Variants in USP30 observed in about 807,000 individuals in gnomAD.
USP30 encodes ubiquitin specific peptidase 30, also known as ubiquitin carboxyl-terminal hydrolase 30.
USP30 carries 41 observed loss-of-function variants against 68.2 expected under a neutral mutation model. The ratio of observed to expected loss-of-function variants is 0.60; its 90% confidence interval spans 0.47 to 0.78. USP30 has a LOEUF of 0.78. Among genes scored for constraint, USP30 ranks in the 30% least tolerant of loss-of-function variants. The pLI, the probability that USP30 is intolerant of heterozygous loss-of-function variation, is 0.00. For missense variants in USP30, 522 were observed against 649.4 expected (o/e 0.80, Z 2.13); for synonymous variants, 229 against 253.7 (o/e 0.90, Z 0.93).
At chr12:109,024,440 T>C (rs1340523718) in intron 1 of USP30, among the ~76,000 whole-genome samples, 1 of 151,580 alleles carries the variant, frequency 6.6e-6, no homozygotes, top group African/African-American at 2.4e-5. Context: ...GTATTTTTTA[T>C]AGAGAGGGGG....
chr12:109,079,339 C>CTTTTTTTTTTCT lies in USP30; in HGVS notation c.721-1985_721-1984insCTTTTTTTTTTT, dbSNP rs2041713719. On this transcript the variant is annotated intron_variant, in intron 7 of 12. Transcript: ENST00000257548. ...TTTTCTCTTTTTTTCTTTTCTTTTTCTTTTTTTTTTTCTTTTTTTTTTTTT... is the reference window on the plus strand; with the variant it reads ...TTTTCTCTTTTTTTCTTTTCTTTTTCTTTTTTTTTTCTTTTTTTTTTTTCTTTTTTTTTTTTT... Among the ~76,000 whole-genome samples the CTTTTTTTTTTCT allele has an allele frequency of 1.1e-3, 69 of 62,226 alleles. 1 individual carries two copies. Among genetic ancestry groups the CTTTTTTTTTTCT allele is most frequent in the East Asian group, 1.4e-3 (3 of 2,096 alleles). The allele number at this position is 62,226 out of a possible 152,430, so 40.8% of individuals were successfully genotyped here.
upstream of USP30, among the ~76,000 whole-genome samples, chr12:109,049,882 G>A (rs190193464): frequency 3.9e-5 from 6 of 152,280 alleles, no homozygotes; most frequent in East Asian, 1.9e-4. Flanking sequence ...ACAGAGACAC[G>A]AAGTGAGCAC....
chr12:109,073,457 C>G lies in USP30; in HGVS notation c.645C>G (p.Ser215=), dbSNP rs142597191. The change falls in exon 7 of 13, where the codon TCC becomes TCG. Residue 215 remains serine (S), a synonymous_variant. Transcript: ENST00000257548. ...TTCCAGGGTCACCTCACCCTACATC[C>G]AATCACTGGAAGTCTCAACATCCTT... The part of the protein sequence containing the change: ...CRTRGSPHPT[S]NHWKSQHPFH... 1.5e-5 allele frequency: 25 copies of G among 1,613,950 alleles called. No individual in the cohort carries two copies. Among genetic ancestry groups the G allele is most frequent in the African/African-American group, 2.7e-5 (2 of 74,934 alleles).
chr12:109,052,697 G>T lies in USP30; in HGVS notation c.19G>T (p.Glu7Ter). MLSSRA[E>*]AAMTAADRAI... ...GGCTGCAATGCTGAGCTCCCGGGCCGAGGCGGCGATGACCGCGGCCGACAG... is the reference window on the plus strand; with the variant it reads ...GGCTGCAATGCTGAGCTCCCGGGCCTAGGCGGCGATGACCGCGGCCGACAG... The change falls in exon 1 of 13, where the codon GAG becomes TAG. Residue 7 changes from glutamate to a stop codon, truncating the protein, a stop_gained. Transcript: ENST00000257548. LOFTEE classifies it high-confidence loss of function. 6.7e-7 allele frequency: 1 copy of T among 1,486,626 alleles called. No homozygotes were observed. Among genetic ancestry groups the T allele is most frequent in the Non-Finnish European group, 8.9e-7 (1 of 1,121,684 alleles). The allele number at this position is 1,486,626 out of a possible 1,614,324, so 92.1% of individuals were successfully genotyped here.
chr12:109,039,564 C>T (rs781178610), intron 3 of USP30, among the ~76,000 whole-genome samples: 7 of 151,846 alleles, frequency 4.6e-5, no homozygotes, highest in Admixed American at 1.3e-4. Context: ...ATCTAGTTCC[C>T]GAGAAAAAAT....
intron 1 of USP30, among the ~76,000 whole-genome samples, chr12:109,053,444 C>T (rs1291119700): frequency 6.6e-6 from 1 of 152,064 alleles, no homozygotes; most frequent in African/African-American, 2.4e-5. Flanking sequence ...TTGCCTGGGT[C>T]CCCAATCCTG....
At chr12:109,081,623 GCACACA>G (rs61164773) in intron 8 of USP30, 36,122 of 494,326 alleles carry the variant, frequency 0.073, 304 homozygotes, top group South Asian at 0.094. Flanking sequence ...ACGCATGCGC[GCACACA>G]CACACACACA....
chr12:109,046,505 T>C (rs2040606838), intron 3 of USP30, among the ~76,000 whole-genome samples: 2 of 151,902 alleles, frequency 1.3e-5, no homozygotes, highest in Admixed American at 1.3e-4. Flanking sequence ...TACTCAAAAG[T>C]CCACCAATTT....
rs1380219417 is a variant in USP30 at position 109,055,393 on chromosome 12, TA to T, written c.84-1288del. Among the ~76,000 whole-genome samples the T allele has an allele frequency of 1.1e-3, 69 of 62,170 alleles. 4 individuals carry two copies. The highest frequency in any genetic ancestry group is 1.3e-3 in the Non-Finnish European group (45 of 33,436). The allele number at this position is 62,170 out of a possible 152,430, so 40.8% of individuals were successfully genotyped here. On this transcript the variant is annotated intron_variant, in intron 1 of 12. Coordinates refer to ENST00000257548, the MANE Select transcript of USP30 (RefSeq NM_032663.5). Reference sequence around the variant, plus strand: ...ACATATATATACATATATATATATATATATATATTTTTTTTTTTTTTTTTTT... The same window carrying T: ...ACATATATATACATATATATATATATTATATATTTTTTTTTTTTTTTTTTT...
In USP30 at chr12:109,087,688, AAGAT is replaced by A. The variant is rs902168143; in HGVS notation, c.*1761_*1764del. On this transcript the variant is annotated 3_prime_UTR_variant, in exon 13 of 13. Transcript: ENST00000257548. ...TTACTCTGAAATCTACCATCAAAGA[AAGAT>A]AGAGAAAAGGGGCTGAGCCTTGGAA... 5 of 152,284 alleles carry A rather than the reference AAGAT, an allele frequency of 3.3e-5. No homozygotes were observed. The highest frequency in any genetic ancestry group is 1.2e-4 in the African/African-American group (5 of 41,470). 9.4% of individuals were successfully genotyped at this position (152,284 alleles called of 1,614,324 possible). A position where few individuals can be genotyped will look rare whatever the true frequency, so the allele number is the denominator to read the frequency against.
intron 3 of USP30, among the ~76,000 whole-genome samples, chr12:109,063,367 C>G (rs1380219987): frequency 6.6e-6 from 1 of 152,216 alleles, no homozygotes; most frequent in Non-Finnish European, 1.5e-5. Flanking sequence ...TCCCAAAGTT[C>G]TGGGATTACA....
chr12:109,057,861 C>T, intron 2 of USP30, 65 bp from the exon 3 acceptor site: 1 of 1,529,278 alleles, frequency 6.5e-7, no homozygotes, highest in Non-Finnish European at 8.8e-7. Context: ...CTCTGGGTCC[C>T]ACATGGGAGA....
intron 3 of USP30, among the ~76,000 whole-genome samples, chr12:109,043,678 T>C (rs2040580351): frequency 6.6e-6 from 1 of 152,194 alleles, no homozygotes. Flanking sequence ...AGTGATTTCT[T>C]GGATATGACA....
intron 1 of USP30, 98 bp downstream of exon 1, chr12:109,052,859 G>A: frequency 8.3e-7 from 1 of 1,211,850 alleles, no homozygotes; most frequent in East Asian, 3.1e-5. Flanking sequence ...GGGTCTCCAG[G>A]GCCCGCGCGG....
chr12:109,053,857 A>G (rs899894568), intron 1 of USP30: 2 of 350,950 alleles, frequency 5.7e-6, no homozygotes, highest in Non-Finnish European at 1.1e-5. Flanking sequence ...CATCCCCTTG[A>G]CACTCTTCCC....
chr12:109,058,729 C>T (rs1310772934), intron 3 of USP30, among the ~76,000 whole-genome samples: 1 of 152,034 alleles, frequency 6.6e-6, no homozygotes, highest in Non-Finnish European at 1.5e-5. Context: ...AAAAAATGTC[C>T]GTTAGCCTAG....
intron 4 of USP30, 22 bp from the exon 5 acceptor site, chr12:109,071,590 A>G: frequency 6.2e-7 from 1 of 1,609,912 alleles, no homozygotes; most frequent in Non-Finnish European, 8.5e-7. Flanking sequence ...ACCTCTCTAA[A>G]GAATGCTTTG....
At chr12:109,054,047 G>C (rs2040761192) in intron 1 of USP30, 2 of 455,926 alleles carry the variant, frequency 4.4e-6, no homozygotes, top group African/African-American at 2.0e-5. Context: ...AATGAGGTAA[G>C]ATTGTCACAG....
At chr12:109,040,005 A>C (rs986027636) in intron 3 of USP30, among the ~76,000 whole-genome samples, 1 of 152,222 alleles carries the variant, frequency 6.6e-6, no homozygotes, top group Non-Finnish European at 1.5e-5. Flanking sequence ...ATATGATATA[A>C]ATATTTATCA....
Sources: gnomAD v4.1 joint callset for allele counts (sites outside exome capture counted in the v4.1 genomes callset) on GRCh38, gnomAD v4.1.1 for gene constraint, MANE v1.5 for transcripts, NCBI Gene and HGNC (gene_info 2026-07-23, HGNC 2026-07-21) for gene names.